TIAM2: variants seen among roughly 807,000 people sequenced by gnomAD.
TIAM2 encodes rho guanine nucleotide exchange factor TIAM2.
Under a neutral mutation model 152.9 loss-of-function variants are expected in TIAM2, and 80 were observed. That is an observed-to-expected ratio of 0.52 (90% confidence interval 0.44 to 0.63). The LOEUF (loss-of-function observed/expected upper bound fraction) is 0.63, where lower values mean the gene tolerates loss of function less well. Ranked by LOEUF, TIAM2 falls within the 30% of genes least tolerant of loss-of-function variation. TIAM2 has a pLI of 0.00. For synonymous variants in TIAM2, 804 were observed against 838.0 expected (o/e 0.96, Z 0.70); for missense variants, 1,965 against 2,120.1 (o/e 0.93, Z 1.44).
intron 2 of TIAM2, among the ~76,000 whole-genome samples, chr6:155,124,333 T>C (rs1779240900): frequency 1.3e-5 from 2 of 151,086 alleles, no homozygotes; most frequent in African/African-American, 4.9e-5. Flanking sequence ...GTTTTGAACT[T>C]TTTTTTTCTC....
rs556355425 is a variant in TIAM2 at position 155,048,604 on chromosome 6, G to A, written c.-208-41685G>A. ...GATAAAGAAGTCGGGATTCAGCCTA[G>A]AGTGGCAGGCCTGGTGGCTCGAGGA... On this transcript the variant is annotated intron_variant, in intron 1 of 26. Coordinates refer to ENST00000682666, the MANE Select transcript of TIAM2 (RefSeq NM_012454.4). Among the ~76,000 whole-genome samples the A allele has an allele frequency of 4.1e-3, 625 of 152,288 alleles. 6 individuals are homozygous for A. The highest frequency in any genetic ancestry group is 0.014 in the African/African-American group (594 of 41,556).
In TIAM2 at chr6:155,137,336, G is replaced by T. The variant is rs766127122; in HGVS notation, c.1354G>T (p.Asp452Tyr). 8 of 1,614,180 alleles carry T rather than the reference G, an allele frequency of 5.0e-6. No homozygotes were observed. In the Admixed American group the frequency reaches 1.0e-4, roughly 20 times the overall value. Reference sequence around the variant, plus strand: ...TGAATCCACACATGCGATTGGCAGCGATCCCCTCCGGCAGAACATTTATGA... The same window carrying T: ...TGAATCCACACATGCGATTGGCAGCTATCCCCTCCGGCAGAACATTTATGA... ...RSESTHAIGS[D>Y]PLRQNIYENF... Residue 452 changes from aspartate (D) to tyrosine (Y), a missense_variant, in exon 5 of 27, where the codon GAT becomes TAT. Physicochemically the swap from Asp to Tyr is radical, Grantham distance 160. Coordinates refer to ENST00000682666, the MANE Select transcript of TIAM2 (RefSeq NM_012454.4).
intron 14 of TIAM2, among the ~76,000 whole-genome samples, chr6:155,193,305 G>A (rs1781254620): frequency 6.6e-6 from 1 of 152,174 alleles, no homozygotes; most frequent in South Asian, 2.1e-4. Context: ...TTAGGAGGCT[G>A]AGGTGGGAGG....
In TIAM2 at chr6:155,257,208, AAAAC is replaced by A; in HGVS notation, c.*88_*91del. On this transcript the variant is annotated 3_prime_UTR_variant, in exon 27 of 27. Coordinates refer to ENST00000682666, the MANE Select transcript of TIAM2 (RefSeq NM_012454.4). ...GAAATTGCAAAAAAAAAAAAAAAAA[AAAAC>A]TGTTCATTCCTGGGTTTTGTGCAGT... is the stretch of plus-strand genomic sequence containing the variant. The A allele has an allele frequency of 7.4e-7, 1 of 1,352,978 alleles. No individual in the cohort carries two copies. Among genetic ancestry groups the A allele is most frequent in the East Asian group, 2.4e-5 (1 of 41,464 alleles). 83.8% of individuals were successfully genotyped at this position (1,352,978 alleles called of 1,614,324 possible).
chr6:155,036,765 A>C (rs889189995), intron 1 of TIAM2, among the ~76,000 whole-genome samples: 1 of 151,460 alleles, frequency 6.6e-6, no homozygotes, highest in Non-Finnish European at 1.5e-5. Flanking sequence ...TTACAGGCAT[A>C]CACCACCACG....
chr6:155,219,626 T>A (rs538954027), intron 15 of TIAM2, among the ~76,000 whole-genome samples: 130 of 151,568 alleles, frequency 8.6e-4, no homozygotes, highest in African/African-American at 2.9e-3. Flanking sequence ...GATTTTTTTT[T>A]AAAAAATTTC....
At chr6:155,187,017 C>T (rs1236856273) in intron 14 of TIAM2, among the ~76,000 whole-genome samples, 1 of 152,060 alleles carries the variant, frequency 6.6e-6, no homozygotes, top group African/African-American at 2.4e-5. Context: ...GGAAAGAAGA[C>T]CTGTTTTTTT....
chr6:155,060,724 T>C (rs1480445014), intron 1 of TIAM2, among the ~76,000 whole-genome samples: 3 of 151,980 alleles, frequency 2.0e-5, no homozygotes, highest in Non-Finnish European at 2.9e-5. Flanking sequence ...GGTGAAACCC[T>C]GTCTCTACTA....
intron 12 of TIAM2, among the ~76,000 whole-genome samples, chr6:155,179,814 T>C (rs1456863267): frequency 6.6e-6 from 1 of 152,228 alleles, no homozygotes; most frequent in Admixed American, 6.5e-5. Context: ...GTCTTTGCTC[T>C]TAGTTTTCTC....
intron 14 of TIAM2, among the ~76,000 whole-genome samples, chr6:155,194,828 G>A (rs1382167807): frequency 6.6e-6 from 1 of 152,156 alleles, no homozygotes; most frequent in Non-Finnish European, 1.5e-5. Context: ...TGTCATGGGA[G>A]GGACCAGGTA....
At chr6:155,256,070 A>C (rs1190778067) in intron 26 of TIAM2, 1 of 227,308 alleles carries the variant, frequency 4.4e-6, no homozygotes, top group African/African-American at 2.3e-5. Flanking sequence ...AGGGAAATCC[A>C]CAAGGTGAGA....
At chr6:155,045,872 T>C (rs9397221) in intron 1 of TIAM2, among the ~76,000 whole-genome samples, 57,828 of 115,940 alleles carry the variant, frequency 0.5, 11,935 homozygotes, top group Middle Eastern at 0.59. Context: ...GGTTTTTGTT[T>C]GTTTGTTTTA....
intron 9 of TIAM2, among the ~76,000 whole-genome samples, chr6:155,171,172 C>T (rs1212790326): frequency 6.6e-6 from 1 of 152,202 alleles, no homozygotes; most frequent in Non-Finnish European, 1.5e-5. Context: ...CTATTTCACT[C>T]TAATTGATGC....
In TIAM2 at chr6:155,256,942, A is replaced by G. The variant is rs80225928; in HGVS notation, c.4927A>G (p.Lys1643Glu). 9.1e-4 allele frequency: 1,463 copies of G among 1,614,174 alleles called. 13 individuals carry two copies. The African/African-American group carries it at 0.018, about 19-fold the overall frequency. ...CPIKRKANST[K>E]RDRGTLLKAQ... Reference sequence around the variant, plus strand: ...CATTAAACGAAAAGCCAACAGCACCAAGAGGGACAGAGGAACTTTGCTCAA... The same window carrying G: ...CATTAAACGAAAAGCCAACAGCACCGAGAGGGACAGAGGAACTTTGCTCAA... Residue 1643 changes from lysine (K) to glutamate (E), a missense_variant, in exon 27 of 27, where the codon AAG (lysine) becomes GAG (glutamate). Lys to Glu is a moderately conservative substitution (Grantham distance 56). Around this residue, in one of 3 missense-constraint regions of TIAM2, gnomAD observed 935 missense variants for 980.0 expected, o/e 0.95. Transcript: ENST00000682666.
intron 1 of TIAM2, among the ~76,000 whole-genome samples, chr6:155,047,669 A>T (rs1361513595): frequency 3.6e-5 from 1 of 27,414 alleles, no homozygotes. Flanking sequence ...GAGAGAGAGG[A>T]GAGAGAGAGA....
intron 23 of TIAM2, among the ~76,000 whole-genome samples, 199 bp downstream of exon 23, chr6:155,252,202 G>C (rs1321898646): frequency 6.6e-6 from 1 of 152,168 alleles, no homozygotes; most frequent in African/African-American, 2.4e-5. Context: ...AAGATATACA[G>C]CTGGGCACGG....
chr6:155,224,249 T>A (rs1583261430), intron 15 of TIAM2, among the ~76,000 whole-genome samples: 1 of 152,284 alleles, frequency 6.6e-6, no homozygotes, highest in East Asian at 1.9e-4. Flanking sequence ...GGCTCCACAG[T>A]GGTGGCTGCT....
At chr6:155,254,378 A>G in intron 25 of TIAM2, 41 bp from the exon 26 acceptor site, 1 of 1,601,254 alleles carries the variant, frequency 6.2e-7, no homozygotes, top group Middle Eastern at 1.7e-4. Flanking sequence ...CACGATGAAC[A>G]CTGTGGACAC....
At chr6:155,227,752 AAG>A (rs1782299040) in intron 15 of TIAM2, among the ~76,000 whole-genome samples, 1 of 152,198 alleles carries the variant, frequency 6.6e-6, no homozygotes, top group Non-Finnish European at 1.5e-5. Context: ...CCCCGTCGAC[AAG>A]AGGAATCTGT....
Sources: allele counts gnomAD v4.1 joint callset (sites outside exome capture counted in the v4.1 genomes callset), GRCh38; gene constraint gnomAD v4.1.1; regional missense constraint gnomAD v4.1.1; transcripts MANE v1.5; gene names NCBI Gene and HGNC (gene_info 2026-07-23, HGNC 2026-07-21).